The following VOPP1 variants were observed in gnomAD, a reference collection of about 807,000 sequenced individuals.
The protein encoded by VOPP1 is WW domain binding protein VOPP1.
In VOPP1, 8 loss-of-function variants were observed where a neutral mutation model predicts 23.5. That is an observed-to-expected ratio of 0.34 (90% CI 0.20 to 0.61). The LOEUF (loss-of-function observed/expected upper bound fraction) is 0.61. Ranked by LOEUF, VOPP1 falls within the 20% of genes least tolerant of loss-of-function variation. The probability of loss-of-function intolerance (pLI) is 0.78; values close to 1 mark genes in which losing one functional copy is unlikely to be tolerated. For missense variants in VOPP1, 174 were observed against 238.1 expected, an observed-to-expected ratio of 0.73 and a Z score of 1.77; for synonymous variants, 83 against 97.3, an observed-to-expected ratio of 0.85 and a Z score of 0.86.
chr7:55,457,258 T>C (rs553556214), intron 4 of VOPP1, among the ~76,000 whole-genome samples: 67 of 152,296 alleles, frequency 4.4e-4, no homozygotes, highest in Non-Finnish European at 8.5e-4. Flanking sequence ...CTGCAAATGA[T>C]GGAATTTCAT....
intron 2 of VOPP1, among the ~76,000 whole-genome samples, chr7:55,518,480 C>T (rs1220774445): frequency 6.6e-6 from 1 of 152,206 alleles, no homozygotes; most frequent in Non-Finnish European, 1.5e-5. Context: ...GCACTCGCCG[C>T]GTGGTGGTTT....
intron 2 of VOPP1, among the ~76,000 whole-genome samples, chr7:55,516,932 A>ATATATTTT (rs1562947689): frequency 6.6e-5 from 3 of 45,158 alleles, no homozygotes; most frequent in African/African-American, 3.6e-4. Context: ...ATATATATAT[A>ATATATTTT]TTTTTTTTTT....
downstream of VOPP1, among the ~76,000 whole-genome samples, chr7:55,467,619 A>G (rs550360185): frequency 2.6e-5 from 4 of 152,340 alleles, no homozygotes; most frequent in Non-Finnish European, 4.4e-5. Flanking sequence ...TTGAAGTTCA[A>G]TGACATTTGG....
chr7:55,528,309 T>C (rs1228905581), intron 1 of VOPP1, among the ~76,000 whole-genome samples: 1 of 152,238 alleles, frequency 6.6e-6, no homozygotes, highest in Non-Finnish European at 1.5e-5. Context: ...TGACAACTAA[T>C]TATGTTTCAG....
At chr7:55,455,553 T>C (rs1356819411) in intron 4 of VOPP1, among the ~76,000 whole-genome samples, 2 of 152,160 alleles carry the variant, frequency 1.3e-5, no homozygotes, top group African/African-American at 4.8e-5. Context: ...CTTCAAACTA[T>C]ACTACAAGGC....
chr7:55,521,626 G>A (rs777318353), intron 1 of VOPP1: 179 of 987,188 alleles, frequency 1.8e-4, no homozygotes, highest in East Asian at 4.5e-4. Flanking sequence ...GCCCTCTCAC[G>A]TGCAGGAAGA....
chr7:55,546,250 G>A (rs759043825), intron 1 of VOPP1, among the ~76,000 whole-genome samples: 3 of 152,210 alleles, frequency 2.0e-5, no homozygotes, highest in Admixed American at 6.5e-5. Context: ...CAAGACAGTC[G>A]AGGGAGATGT....
At chr7:55,437,933 C>T (rs776770389) in intron 4 of VOPP1, among the ~76,000 whole-genome samples, 72 of 142,952 alleles carry the variant, frequency 5.0e-4, no homozygotes, top group Non-Finnish European at 8.6e-4. Context: ...TCTATCTTGT[C>T]GCCCAGGCTG....
At chr7:55,525,769 C>A (rs1796147804) in intron 1 of VOPP1, among the ~76,000 whole-genome samples, 2 of 136,580 alleles carry the variant, frequency 1.5e-5, no homozygotes, top group African/African-American at 2.8e-5. Flanking sequence ...CAAAATCTCC[C>A]TAAAAGGAAA....
intron 1 of VOPP1, among the ~76,000 whole-genome samples, chr7:55,560,771 C>T (rs777001264): frequency 6.6e-6 from 1 of 152,192 alleles, no homozygotes; most frequent in African/African-American, 2.4e-5. Flanking sequence ...TCTCCCTTCT[C>T]TGCACCTGTC....
intron 4 of VOPP1, among the ~76,000 whole-genome samples, chr7:55,446,137 T>C (rs983864572): frequency 6.6e-5 from 10 of 152,038 alleles, no homozygotes; most frequent in South Asian, 6.2e-4. Context: ...GGACTACAGG[T>C]GCCCGCCACC....
At chr7:55,551,340 C>G (rs144528795) in intron 1 of VOPP1, among the ~76,000 whole-genome samples, 1 of 152,326 alleles carries the variant, frequency 6.6e-6, no homozygotes, top group East Asian at 1.9e-4. Flanking sequence ...GCGTGGAGCA[C>G]CAGAACCCCA....
chr7:55,439,110 A>G (rs1365706436), intron 4 of VOPP1, among the ~76,000 whole-genome samples: 1 of 152,044 alleles, frequency 6.6e-6, no homozygotes, highest in Non-Finnish European at 1.5e-5. Flanking sequence ...TCTGTGATGG[A>G]GGCGTCACTT....
At chr7:55,562,908 C>A (rs1297372965) in intron 1 of VOPP1, among the ~76,000 whole-genome samples, 3 of 152,268 alleles carry the variant, frequency 2.0e-5, no homozygotes, top group Non-Finnish European at 2.9e-5. Context: ...TGAAAGATGA[C>A]CTAATTGTAG....
At chr7:55,520,838 C>T (rs1406570879) in intron 2 of VOPP1, among the ~76,000 whole-genome samples, 1 of 152,134 alleles carries the variant, frequency 6.6e-6, no homozygotes, top group Admixed American at 6.5e-5. Context: ...GTGAGCTCAC[C>T]TGCATCACAG....
chr7:55,441,710 AC>A (rs1562877144), intron 4 of VOPP1, among the ~76,000 whole-genome samples: 2 of 151,876 alleles, frequency 1.3e-5, no homozygotes, highest in Non-Finnish European at 2.9e-5. Flanking sequence ...GCAGTAGCGC[AC>A]CCCCACCCTC....
intron 2 of VOPP1, among the ~76,000 whole-genome samples, chr7:55,517,118 T>TA (rs1562948019): frequency 1.3e-5 from 2 of 149,548 alleles, no homozygotes; most frequent in African/African-American, 2.4e-5. Flanking sequence ...ATATATATAT[T>TA]TTTTTATTTT....
chr7:55,497,652 C>T lies in VOPP1; in HGVS notation c.152G>A (p.Cys51Tyr), dbSNP rs1264805362. 1 of 1,613,584 alleles carries T rather than the reference C, an allele frequency of 6.2e-7. No homozygotes were observed. The highest frequency in any genetic ancestry group is 8.5e-7 in the Non-Finnish European group (1 of 1,179,824). ...CCTCTGTATGGAGAGGGCCCGCACA[C>T]AGCACCTGGAGCCACAGCAGTCCTC... Reference protein sequence around the residue: ...SYEDCCGSRCCVRALSIQRLW... With the variant: ...SYEDCCGSRCYVRALSIQRLW... The change falls in exon 3 of 5, where the codon TGT (cysteine) becomes TAT (tyrosine). Residue 51 changes from cysteine (C) to tyrosine (Y), a missense_variant. By Grantham distance (194) the Cys-to-Tyr change is radical. Transcript: ENST00000285279.
intron 3 of VOPP1, 79 bp downstream of exon 3, chr7:55,497,534 C>T: frequency 1.5e-6 from 2 of 1,343,788 alleles, no homozygotes; most frequent in Non-Finnish European, 1.0e-6. Context: ...GTGTCGCATC[C>T]AAGGCTGTGA....
Sources: gnomAD v4.1 joint callset for allele counts (sites outside exome capture counted in the v4.1 genomes callset) on GRCh38, gnomAD v4.1.1 for gene constraint, MANE v1.5 for transcripts, NCBI Gene and HGNC (gene_info 2026-07-23, HGNC 2026-07-21) for gene names.